The following MLH3 variants were observed in gnomAD, a reference collection of about 807,000 sequenced individuals.
MLH3 encodes the protein mutL homolog 3.
A neutral mutation model predicts 122.2 loss-of-function variants in MLH3; 82 were observed. That is an observed-to-expected ratio of 0.67 (90% confidence interval 0.56 to 0.81). MLH3 has a LOEUF of 0.81. Ranked by LOEUF, MLH3 falls within the 30% of genes least tolerant of loss-of-function variation. The pLI is 0.00. For synonymous variants in MLH3, 524 were observed against 599.5 expected, an observed-to-expected ratio of 0.87 and a Z score of 1.84; for missense variants, 1,539 against 1,714.5, an observed-to-expected ratio of 0.90 and a Z score of 1.81.
chr14:75,045,966 G>T (rs1203980277), intron 2 of MLH3, among the ~76,000 whole-genome samples: 3 of 151,954 alleles, frequency 2.0e-5, no homozygotes, highest in African/African-American at 7.3e-5. Context: ...ATCACTTGAG[G>T]CTAGGAGTTT....
At chr14:75,049,930 C>T (rs1160483486) in intron 1 of MLH3, among the ~76,000 whole-genome samples, 1 of 152,198 alleles carries the variant, frequency 6.6e-6, no homozygotes, top group East Asian at 1.9e-4. Context: ...TCATAATTTT[C>T]AATGCTCCTT....
At chr14:75,042,902 A>G (rs1891965850) in intron 2 of MLH3, among the ~76,000 whole-genome samples, 1 of 151,772 alleles carries the variant, frequency 6.6e-6, no homozygotes, top group African/African-American at 2.4e-5. Flanking sequence ...CAGCCTCCCG[A>G]GTAGCTGGGA....
intron 4 of MLH3, 71 bp from the exon 5 acceptor site, chr14:75,040,086 G>A: frequency 1.3e-6 from 1 of 788,552 alleles, no homozygotes; most frequent in Non-Finnish European, 2.2e-6. Flanking sequence ...AAAGATATCA[G>A]AGTGCTTTAA....
intron 6 of MLH3, among the ~76,000 whole-genome samples, chr14:75,034,993 G>A (rs576292690): frequency 6.7e-6 from 1 of 149,902 alleles, no homozygotes; most frequent in East Asian, 2.0e-4. Context: ...AACTCGGGAA[G>A]GGGAGACTGC....
intron 4 of MLH3, among the ~76,000 whole-genome samples, chr14:75,040,617 C>A (rs1891786894): frequency 6.6e-6 from 1 of 151,964 alleles, no homozygotes; most frequent in Non-Finnish European, 1.5e-5. Context: ...CAAATGATAT[C>A]TTGAGGAAAG....
At chr14:75,022,253 A>C (rs191284248) in intron 11 of MLH3, among the ~76,000 whole-genome samples, 1 of 152,156 alleles carries the variant, frequency 6.6e-6, no homozygotes, top group Non-Finnish European at 1.5e-5. Context: ...TGTACACCAA[A>C]CCCCTGCGAC....
At chr14:75,039,867 A>T (rs1595069556) in intron 5 of MLH3, 44 bp downstream of exon 5, 2 of 272,694 alleles carry the variant, frequency 7.3e-6, no homozygotes, top group Non-Finnish European at 6.6e-6. Flanking sequence ...ATATATATAT[A>T]TATATATATA....
At chr14:75,040,550 A>C (rs1400222149) in intron 4 of MLH3, among the ~76,000 whole-genome samples, 1 of 152,068 alleles carries the variant, frequency 6.6e-6, no homozygotes, top group Admixed American at 6.6e-5. Flanking sequence ...AATTACTGAC[A>C]AAACAAAAAA....
chr14:75,030,470 C>T (rs1220189324), intron 9 of MLH3, 73 bp downstream of exon 9: 2 of 1,436,712 alleles, frequency 1.4e-6, no homozygotes, highest in African/African-American at 2.8e-5. Flanking sequence ...AAGATGAATT[C>T]AGAGAATCTA....
At chr14:75,050,701 G>T (rs1296403150) in intron 1 of MLH3, among the ~76,000 whole-genome samples, 1 of 152,168 alleles carries the variant, frequency 6.6e-6, no homozygotes, top group Non-Finnish European at 1.5e-5. Flanking sequence ...CGCCCGGCCA[G>T]AAGGTCATTA....
At chr14:75,051,087 C>A (rs1386155350) in intron 1 of MLH3, 1 of 152,350 alleles carries the variant, frequency 6.6e-6, no homozygotes, top group South Asian at 2.1e-4. Context: ...CTGATGACGC[C>A]TCCCAGCGCC....
Position 75,014,764 on chromosome 14 carries a change from G to T in MLH3, c.*2318C>A, listed in dbSNP as rs1009976874. Reference sequence around the variant, plus strand: ...CTTCAGCGACCAGAATCTAATAAAGGTGAATCACCAAGTTTATAAATGAAT... The same window carrying T: ...CTTCAGCGACCAGAATCTAATAAAGTTGAATCACCAAGTTTATAAATGAAT... On this transcript the variant is annotated 3_prime_UTR_variant, in exon 13 of 13. Transcript: ENST00000355774. 1 of 191,826 alleles carries T rather than the reference G, an allele frequency of 5.2e-6. No homozygotes were observed. 11.9% of individuals were successfully genotyped at this position (191,826 alleles called of 1,614,324 possible). A position where few individuals can be genotyped will look rare whatever the true frequency, so the allele number is the denominator to read the frequency against.
In MLH3 at chr14:75,015,947, C is replaced by T. The variant is rs1333232190; in HGVS notation, c.*1135G>A. 2.6e-5 allele frequency: 6 copies of T among 231,740 alleles called. No individual in the cohort carries two copies. The highest frequency in any genetic ancestry group is 1.3e-4 in the African/African-American group (6 of 45,240). The allele number at this position is 231,740 out of a possible 1,614,324, so 14.4% of individuals were successfully genotyped here. ...GTCAGGAAATACAAAAGTAGAAATT[C>T]TCATTGCATCATCTTACTAATTGTA... On this transcript the variant is annotated 3_prime_UTR_variant, in exon 13 of 13. Transcript: ENST00000355774.
chr14:75,036,348 TTTTTA>T (rs966784261), intron 6 of MLH3, among the ~76,000 whole-genome samples: 6 of 145,808 alleles, frequency 4.1e-5, no homozygotes, highest in South Asian at 2.1e-4. Flanking sequence ...TCTTGACATC[TTTTTA>T]TTTTATTTTT....
At chr14:75,043,430 G>GCTGTCT (rs1175794170) in intron 2 of MLH3, among the ~76,000 whole-genome samples, 2 of 152,186 alleles carry the variant, frequency 1.3e-5, no homozygotes, top group Non-Finnish European at 2.9e-5. Context: ...AGCACAGTGT[G>GCTGTCT]GATGATCAAC....
At chr14:75,042,619 A>G in intron 2 of MLH3, 142 bp from the exon 3 acceptor site, 2 of 672,598 alleles carry the variant, frequency 3.0e-6, no homozygotes. Context: ...TGAGAATCAG[A>G]AATCCTTTAA....
intron 1 of MLH3, among the ~76,000 whole-genome samples, chr14:75,050,250 G>A (rs1892572284): frequency 6.6e-6 from 1 of 152,152 alleles, no homozygotes; most frequent in African/African-American, 2.4e-5. Context: ...GGCATTAAGA[G>A]GTTATTATTA....
intron 7 of MLH3, among the ~76,000 whole-genome samples, chr14:75,032,463 G>GTGAATAATGTGGATTACCAGGAACATA (rs1891115218): frequency 6.6e-6 from 1 of 152,164 alleles, no homozygotes; most frequent in Admixed American, 6.5e-5. Context: ...GATGACAGAG[G>GTGAATAATGTGGATTACCAGGAACATA]TGAATAATGT....
intron 3 of MLH3, 34 bp from the exon 4 acceptor site, chr14:75,041,734 C>T (rs1210378180): frequency 6.7e-7 from 1 of 1,497,610 alleles, no homozygotes; most frequent in Non-Finnish European, 9.3e-7. Flanking sequence ...AGTTGGCATC[C>T]AGAACCACAG....
Sources: allele counts gnomAD v4.1 joint callset (sites outside exome capture counted in the v4.1 genomes callset), GRCh38; gene constraint gnomAD v4.1.1; transcripts MANE v1.5; gene names NCBI Gene and HGNC (gene_info 2026-07-23, HGNC 2026-07-21).